DENND5A: variants seen among roughly 807,000 people sequenced by gnomAD.
DENND5A encodes the protein DENN domain containing 5A.
In DENND5A, 64 loss-of-function variants were observed where a neutral mutation model predicts 140.3. The observed-to-expected ratio is 0.46, with a 90% CI of 0.37 to 0.56. The LOEUF is 0.56. Among genes scored for constraint, DENND5A ranks in the 20% least tolerant of loss-of-function variants. The probability of loss-of-function intolerance (pLI) is 0.00; values close to 1 mark genes in which losing one functional copy is unlikely to be tolerated. For synonymous variants in DENND5A, 605 were observed against 607.7 expected (o/e 1.00, Z 0.07); for missense variants, 1,292 against 1,593.8 (o/e 0.81, Z 3.22).
At chr11:9,225,415 A>C (rs887542126) in intron 1 of DENND5A, among the ~76,000 whole-genome samples, 1 of 152,216 alleles carries the variant, frequency 6.6e-6, no homozygotes, top group African/African-American at 2.4e-5. Flanking sequence ...GAATGAACAC[A>C]TGGTTAGTGT....
chr11:9,195,586 A>G (rs913769113), intron 4 of DENND5A, among the ~76,000 whole-genome samples: 1 of 152,218 alleles, frequency 6.6e-6, no homozygotes, highest in Non-Finnish European at 1.5e-5. Context: ...TGGTTCATAA[A>G]GTAGTTGTAA....
chr11:9,224,224 A>T (rs1850441260), intron 1 of DENND5A, among the ~76,000 whole-genome samples: 1 of 152,136 alleles, frequency 6.6e-6, no homozygotes, highest in Non-Finnish European at 1.5e-5. Flanking sequence ...CATAAGCCTA[A>T]AACAACATGC....
At chr11:9,184,308 G>A (rs976828848) in intron 5 of DENND5A, among the ~76,000 whole-genome samples, 1 of 151,606 alleles carries the variant, frequency 6.6e-6, no homozygotes. Context: ...AGCCAAGATC[G>A]CGCCACTGCA....
rs7106799 is a variant in DENND5A at position 9,169,819 on chromosome 11, T to C, written c.2151+37A>G. On this transcript the variant is annotated intron_variant, in intron 10 of 22. Transcript: ENST00000328194. Reference sequence around the variant, plus strand: ...GAAAGAGAAGGAGTGCACAGCATGATAGCAAGGTCATCCTTATCATTCTTA... The same window carrying C: ...GAAAGAGAAGGAGTGCACAGCATGACAGCAAGGTCATCCTTATCATTCTTA... The C allele has an allele frequency of 9.0e-4, 1,113 of 1,232,716 alleles. 7 individuals carry two copies. In the African/African-American group the frequency reaches 0.014, roughly 16 times the overall value. 76.4% of individuals were successfully genotyped at this position (1,232,716 alleles called of 1,614,324 possible). A position where few individuals can be genotyped will look rare whatever the true frequency, so the allele number is the denominator to read the frequency against.
intron 1 of DENND5A, among the ~76,000 whole-genome samples, chr11:9,241,775 G>T (rs1851242935): frequency 6.6e-6 from 1 of 152,128 alleles, no homozygotes; most frequent in African/African-American, 2.4e-5. Context: ...AGCACTTTGG[G>T]AGGCCAAGGC....
intron 15 of DENND5A, 94 bp from the exon 16 acceptor site, chr11:9,147,245 A>G (rs900864586): frequency 7.4e-7 from 1 of 1,350,550 alleles, no homozygotes; most frequent in Non-Finnish European, 1.0e-6. Flanking sequence ...TAAGGGAAGC[A>G]TAAGATGTCA....
intron 6 of DENND5A, 99 bp downstream of exon 6, chr11:9,180,668 T>C: frequency 1.7e-6 from 2 of 1,153,864 alleles, no homozygotes; most frequent in Non-Finnish European, 1.2e-6. Context: ...CAAATATGAG[T>C]TGTCCAGAAC....
Position 9,145,406 on chromosome 11 carries a change from C to T in DENND5A, c.3003+264G>A, listed in dbSNP as rs1590204546. On this transcript the variant is annotated intron_variant, in intron 17 of 22. Transcript: ENST00000328194. ...GTGGGCTGAGTAGCTGAAAGAACTCCTGGGGACTTCTCAACACACTATGCA... is the reference window on the plus strand; with the variant it reads ...GTGGGCTGAGTAGCTGAAAGAACTCTTGGGGACTTCTCAACACACTATGCA... 3 of 582,246 alleles carry T rather than the reference C, an allele frequency of 5.2e-6. No individual in the cohort carries two copies. In the East Asian group the frequency reaches 8.5e-5, roughly 16 times the overall value. 36.1% of individuals were successfully genotyped at this position (582,246 alleles called of 1,614,324 possible). A position where few individuals can be genotyped will look rare whatever the true frequency, so the allele number is the denominator to read the frequency against.
intron 1 of DENND5A, among the ~76,000 whole-genome samples, chr11:9,259,354 C>A (rs1265455680): frequency 6.6e-6 from 1 of 151,602 alleles, no homozygotes; most frequent in Non-Finnish European, 1.5e-5. Flanking sequence ...GTCAGGAGAT[C>A]AAGACCATCC....
chr11:9,177,913 G>C, intron 8 of DENND5A: 1 of 517,636 alleles, frequency 1.9e-6, no homozygotes, highest in South Asian at 2.6e-5. Context: ...TGCTGATTAG[G>C]GTCTCTACTA....
At chr11:9,141,058 G>A (rs751477207) in intron 22 of DENND5A, among the ~76,000 whole-genome samples, 11 of 151,152 alleles carry the variant, frequency 7.3e-5, no homozygotes, top group East Asian at 5.9e-4. Flanking sequence ...CCCAGGAGGC[G>A]GAGGTTGTGG....
intron 1 of DENND5A, chr11:9,245,457 G>T (rs922582350): frequency 4.6e-5 from 7 of 151,446 alleles, no homozygotes; most frequent in African/African-American, 1.7e-4. Flanking sequence ...TGGGCATGGT[G>T]GTGCATACCA....
chr11:9,161,560 A>G (rs1295798369), intron 11 of DENND5A, among the ~76,000 whole-genome samples: 1 of 152,234 alleles, frequency 6.6e-6, no homozygotes, highest in Non-Finnish European at 1.5e-5. Context: ...ACTTAGAAAC[A>G]TATCTGAAAT....
intron 1 of DENND5A, among the ~76,000 whole-genome samples, chr11:9,264,454 G>C (rs908693319): frequency 4.6e-5 from 7 of 152,066 alleles, no homozygotes; most frequent in African/African-American, 1.4e-4. Context: ...CCATCCAGAC[G>C]CGCAGAGCTG....
At position 9,178,990 on chromosome 11, in the gene DENND5A, G is replaced by A; in HGVS notation, c.1539C>T (p.Asn513=). The A allele has an allele frequency of 1.2e-6, 2 of 1,614,120 alleles. No individual in the cohort carries two copies. Among genetic ancestry groups the A allele is most frequent in the Non-Finnish European group, 1.7e-6 (2 of 1,179,988 alleles). The change falls in exon 7 of 23, where the codon AAC becomes AAT. Residue 513 remains asparagine (N), a synonymous_variant. Transcript: ENST00000328194. ...TTGCAAAAACTTCCCGGATCTGAATGTTTAGCTGGTAAATCCTGAGTTCTT... is the reference window on the plus strand; with the variant it reads ...TTGCAAAAACTTCCCGGATCTGAATATTTAGCTGGTAAATCCTGAGTTCTT... ...DEEELRIYQL[N]IQIREVFANR... is the part of the protein sequence containing the mutation.
intron 1 of DENND5A, among the ~76,000 whole-genome samples, chr11:9,253,310 G>A (rs1323521396): frequency 2.6e-5 from 4 of 152,212 alleles, no homozygotes; most frequent in Non-Finnish European, 5.9e-5. Flanking sequence ...AGGAAGGGCT[G>A]AGCAGACTCT....
At chr11:9,205,872 C>A (rs1333577136) in intron 3 of DENND5A, among the ~76,000 whole-genome samples, 1 of 152,136 alleles carries the variant, frequency 6.6e-6, no homozygotes, top group African/African-American at 2.4e-5. Context: ...TCTCCAACAG[C>A]CTGGGTGACA....
intron 13 of DENND5A, among the ~76,000 whole-genome samples, chr11:9,151,363 T>TC (rs1847609902): frequency 1.3e-5 from 2 of 152,232 alleles, no homozygotes; most frequent in Admixed American, 1.3e-4. Context: ...AATTTTTGGC[T>TC]ACAGTTTATT....
At chr11:9,188,521 A>G (rs1294653530) in intron 5 of DENND5A, among the ~76,000 whole-genome samples, 1 of 152,230 alleles carries the variant, frequency 6.6e-6, no homozygotes, top group East Asian at 1.9e-4. Context: ...AATGTGGGAA[A>G]GTTTGGAACT....
Sources: allele counts gnomAD v4.1 joint callset (sites outside exome capture counted in the v4.1 genomes callset), GRCh38; gene constraint gnomAD v4.1.1; transcripts MANE v1.5; gene names NCBI Gene and HGNC (gene_info 2026-07-23, HGNC 2026-07-21).